The following L3MBTL4 variants were observed in gnomAD, a reference collection of about 807,000 sequenced individuals.
L3MBTL4 encodes the protein lethal(3)malignant brain tumor-like protein 4.
Under a neutral mutation model 84.5 loss-of-function variants are expected in L3MBTL4, and 70 were observed. The observed-to-expected ratio is 0.83, with a 90% CI of 0.68 to 1.01. The LOEUF is 1.01. Ranked by LOEUF, L3MBTL4 falls within the 50% of genes least tolerant of loss-of-function variation. The pLI is 0.00. For missense variants in L3MBTL4, 715 were observed against 754.8 expected (o/e 0.95, Z 0.62); for synonymous variants, 274 against 259.8 (o/e 1.05, Z -0.52).
At chr18:6,346,727 C>T (rs549420462) in intron 1 of L3MBTL4, among the ~76,000 whole-genome samples, 35 of 151,884 alleles carry the variant, frequency 2.3e-4, no homozygotes, top group Non-Finnish European at 5.2e-4. Context: ...AAAAGGGAAC[C>T]CTTGTATACA....
chr18:6,390,743 T>G (rs185085224), intron 1 of L3MBTL4, among the ~76,000 whole-genome samples: 2 of 152,162 alleles, frequency 1.3e-5, no homozygotes, highest in East Asian at 3.9e-4. Context: ...ATGGATAAAT[T>G]CTTGAAACAT....
intron 10 of L3MBTL4, among the ~76,000 whole-genome samples, chr18:6,219,242 T>C (rs1014727862): frequency 1.3e-5 from 2 of 151,882 alleles, no homozygotes; most frequent in Non-Finnish European, 2.9e-5. Context: ...CTGCTGAGAC[T>C]GAAAACCCAG....
intron 1 of L3MBTL4, among the ~76,000 whole-genome samples, chr18:6,360,690 A>G (rs912788407): frequency 3.3e-5 from 5 of 152,132 alleles, no homozygotes; most frequent in African/African-American, 7.2e-5. Context: ...GCTCTCAAGA[A>G]TGATACTGGG....
intron 16 of L3MBTL4, among the ~76,000 whole-genome samples, chr18:5,974,110 T>C (rs1437093353): frequency 6.6e-6 from 1 of 152,176 alleles, no homozygotes; most frequent in East Asian, 1.9e-4. Flanking sequence ...TGGTTTGTCA[T>C]TGGGGGATTT....
chr18:6,358,284 C>A (rs1840560032), intron 1 of L3MBTL4, among the ~76,000 whole-genome samples: 1 of 152,116 alleles, frequency 6.6e-6, no homozygotes, highest in Non-Finnish European at 1.5e-5. Context: ...GCAAATTAAT[C>A]CAACCTTCTT....
chr18:6,351,477 G>A (rs2053182475), intron 1 of L3MBTL4, among the ~76,000 whole-genome samples: 1 of 152,140 alleles, frequency 6.6e-6, no homozygotes, highest in African/African-American at 2.4e-5. Flanking sequence ...TGTGCTTAAT[G>A]CCACTGAGTG....
intron 4 of L3MBTL4, among the ~76,000 whole-genome samples, chr18:6,271,487 C>G (rs1203136786): frequency 6.6e-6 from 1 of 152,050 alleles, no homozygotes; most frequent in East Asian, 1.9e-4. Context: ...CCGAAGCTGC[C>G]GGGCACCAGG....
At chr18:6,268,526 A>C (rs1326758875) in intron 4 of L3MBTL4, among the ~76,000 whole-genome samples, 2 of 152,364 alleles carry the variant, frequency 1.3e-5, no homozygotes, top group Non-Finnish European at 2.9e-5. Flanking sequence ...TTTCCTGGAC[A>C]GAAGGAACCA....
intron 5 of L3MBTL4, among the ~76,000 whole-genome samples, chr18:6,255,708 C>A (rs1271677583): frequency 6.6e-6 from 1 of 151,594 alleles, no homozygotes; most frequent in East Asian, 1.9e-4. Context: ...TGCTTTTTTT[C>A]CCCCTGGGAG....
chr18:6,058,402 C>G (rs2057097337), intron 16 of L3MBTL4, among the ~76,000 whole-genome samples: 1 of 152,080 alleles, frequency 6.6e-6, no homozygotes, highest in Non-Finnish European at 1.5e-5. Flanking sequence ...GAGTATAAAT[C>G]TCAGGTTTAG....
intron 14 of L3MBTL4, among the ~76,000 whole-genome samples, chr18:6,131,476 A>G (rs2059874530): frequency 6.6e-6 from 1 of 152,212 alleles, no homozygotes; most frequent in Non-Finnish European, 1.5e-5. Flanking sequence ...AGTGTCTTGT[A>G]AAATGATGCC....
chr18:6,253,841 T>A (rs1272471815), intron 5 of L3MBTL4, among the ~76,000 whole-genome samples: 1 of 152,252 alleles, frequency 6.6e-6, no homozygotes, highest in African/African-American at 2.4e-5. Flanking sequence ...AGAAACTTTA[T>A]GATCTTTACC....
chr18:6,236,433 G>T (rs2047217233), intron 10 of L3MBTL4, among the ~76,000 whole-genome samples: 1 of 152,224 alleles, frequency 6.6e-6, no homozygotes, highest in African/African-American at 2.4e-5. Context: ...AATTCCAAAT[G>T]TGCTGCGCAG....
intron 16 of L3MBTL4, among the ~76,000 whole-genome samples, chr18:5,984,058 C>T (rs1555623069): frequency 6.6e-6 from 1 of 152,038 alleles, no homozygotes; most frequent in Non-Finnish European, 1.5e-5. Context: ...ACTACAGGTG[C>T]ATATCACTGT....
chr18:6,017,042 G>T (rs1440500072), intron 16 of L3MBTL4, among the ~76,000 whole-genome samples: 2 of 152,152 alleles, frequency 1.3e-5, no homozygotes, highest in East Asian at 3.9e-4. Context: ...CTGAGCTGAG[G>T]GATGAAGCCC....
At chr18:6,135,078 A>G (rs2059991769) in intron 14 of L3MBTL4, among the ~76,000 whole-genome samples, 1 of 152,186 alleles carries the variant, frequency 6.6e-6, no homozygotes, top group South Asian at 2.1e-4. Flanking sequence ...ATACACCCAC[A>G]GGCTCAACAC....
At chr18:6,232,213 C>T (rs2047027127) in intron 10 of L3MBTL4, among the ~76,000 whole-genome samples, 1 of 152,090 alleles carries the variant, frequency 6.6e-6, no homozygotes, top group Non-Finnish European at 1.5e-5. Flanking sequence ...TTGAGCCATC[C>T]TTGCATTTCA....
At chr18:6,181,759 G>A (rs1309952973) in intron 12 of L3MBTL4, among the ~76,000 whole-genome samples, 9 of 152,028 alleles carry the variant, frequency 5.9e-5, no homozygotes, top group African/African-American at 4.8e-5. Flanking sequence ...AGAATACGTG[G>A]TATTTGTTTT....
intron 16 of L3MBTL4, among the ~76,000 whole-genome samples, chr18:6,013,498 T>C (rs2054827318): frequency 1.3e-5 from 2 of 152,198 alleles, no homozygotes; most frequent in Admixed American, 6.5e-5. Flanking sequence ...AAGACACTCA[T>C]AGATTCCTGC....
Sources: gnomAD v4.1 joint callset for allele counts (sites outside exome capture counted in the v4.1 genomes callset) on GRCh38, gnomAD v4.1.1 for gene constraint, MANE v1.5 for transcripts, NCBI Gene and HGNC (gene_info 2026-07-23, HGNC 2026-07-21) for gene names.